The following SYNJ2 variants were observed in gnomAD, a reference collection of about 807,000 sequenced individuals.
The protein encoded by SYNJ2 is polyphosphatidylinositol phosphatase SYNJ2.
Under a neutral mutation model 141.3 loss-of-function variants are expected in SYNJ2, and 116 were observed. That is an observed-to-expected ratio of 0.82 (90% CI 0.71 to 0.96). The LOEUF is 0.96. Among genes scored for constraint, SYNJ2 ranks in the 40% least tolerant of loss-of-function variants. The probability of loss-of-function intolerance (pLI) is 0.00; values close to 1 mark genes in which losing one functional copy is unlikely to be tolerated. For missense variants in SYNJ2, 1,873 were observed against 1,934.8 expected (o/e 0.97, Z 0.60); for synonymous variants, 745 against 777.7 (o/e 0.96, Z 0.70).
chr6:158,073,395 G>A (rs996612670), intron 15 of SYNJ2, among the ~76,000 whole-genome samples: 3 of 151,888 alleles, frequency 2.0e-5, no homozygotes, highest in South Asian at 2.1e-4. Context: ...ATGGGGTTTC[G>A]CCATGTTGGC....
At chr6:157,997,833 A>T (rs191277746) in intron 1 of SYNJ2, among the ~76,000 whole-genome samples, 30 of 152,382 alleles carry the variant, frequency 2.0e-4, no homozygotes, top group African/African-American at 7.2e-4. Flanking sequence ...ACAACATATT[A>T]TAAAGCCCTA....
In SYNJ2 at chr6:157,982,448, C is replaced by G. The variant is rs1777050906; in HGVS notation, c.127+360C>G. The stretch of plus-strand genomic sequence containing the variant: ...GTGCCTGGCGCCTTTTCTTTTGCAC[C>G]TGTTGATGAAACCAGTGATTGCCCT... On this transcript the variant is annotated intron_variant, in intron 1 of 26. Transcript: ENST00000355585. This position sits in a 1 kb window ranked among gnomAD's most constrained non-coding sequence, Gnocchi z 4.0. 6.6e-6 allele frequency among the ~76,000 whole-genome samples: 1 copy of G among 152,196 alleles called. No homozygotes were observed. Among genetic ancestry groups the G allele is most frequent in the African/African-American group, 2.4e-5 (1 of 41,454 alleles).
intron 18 of SYNJ2, among the ~76,000 whole-genome samples, chr6:158,080,411 G>A (rs746611592): frequency 1.3e-5 from 2 of 151,044 alleles, no homozygotes. Flanking sequence ...GGAGGCGGAG[G>A]TTGCAGTGGG....
At chr6:158,019,781 G>A (rs1261601525) in intron 2 of SYNJ2, among the ~76,000 whole-genome samples, 1 of 152,234 alleles carries the variant, frequency 6.6e-6, no homozygotes, top group African/African-American at 2.4e-5. Context: ...TTTGACTTTG[G>A]CGATGTCAGG....
intron 1 of SYNJ2, among the ~76,000 whole-genome samples, chr6:158,008,236 G>T (rs1473205553): frequency 1.3e-5 from 2 of 152,178 alleles, no homozygotes; most frequent in African/African-American, 4.8e-5. Flanking sequence ...GCCTCCCAAA[G>T]TGCTGGGATT....
rs1299286284 is a variant in SYNJ2, at chr6:158,096,281, A to T, written c.4408A>T (p.Lys1470Ter). ...AGAGCTGCCACCAGATCATGAACACAAAACCTTAGGTCACTGGGTGACAAT... is the reference window on the plus strand; with the variant it reads ...AGAGCTGCCACCAGATCATGAACACTAAACCTTAGGTCACTGGGTGACAAT... ...KAELPPDHEHKTLGHWVTISD... is the reference protein window; with the variant it reads ...KAELPPDHEH Residue 1470 changes from lysine to a stop codon, truncating the protein, a stop_gained, in exon 27 of 27, where the codon AAA becomes TAA. Transcript: ENST00000355585. LOFTEE classifies it low-confidence loss of function (END_TRUNC). 3 of 1,614,048 alleles carry T rather than the reference A, an allele frequency of 1.9e-6. No homozygotes were observed.
At chr6:158,036,452 C>T (rs1007030777) in intron 4 of SYNJ2, among the ~76,000 whole-genome samples, 5 of 152,198 alleles carry the variant, frequency 3.3e-5, no homozygotes, top group African/African-American at 9.6e-5. Context: ...GGAATGAGAT[C>T]GTGTCCTTTC....
At chr6:158,078,810 A>T (rs9632485) in intron 18 of SYNJ2, 41,646 of 79,370 alleles carry the variant, frequency 0.52, 8,457 homozygotes, top group African/African-American at 0.59. Flanking sequence ...TTTTTTTTTG[A>T]GAGAGAGTCT....
At chr6:158,004,531 T>A (rs558762048) in intron 1 of SYNJ2, among the ~76,000 whole-genome samples, 1 of 152,340 alleles carries the variant, frequency 6.6e-6, no homozygotes, top group South Asian at 2.1e-4. Context: ...TTCCTGGGAA[T>A]TGCCTACCCC....
Position 158,066,476 on chromosome 6 carries a change from C to G in SYNJ2, c.1558C>G (p.Arg520Gly). The change falls in exon 12 of 27, where the codon CGT (arginine) becomes GGT (glycine). Residue 520 changes from arginine to glycine, a missense_variant. Transcript: ENST00000355585. ...TPRILKAMTE[R>G]QSEFTNFKRI... Reference sequence around the variant, plus strand: ...CAGGATCCTGAAAGCTATGACTGAGCGTCAGTCCGAATTCACAAATTTCAA... The same window carrying G: ...CAGGATCCTGAAAGCTATGACTGAGGGTCAGTCCGAATTCACAAATTTCAA... 1 of 1,614,164 alleles carries G rather than the reference C, an allele frequency of 6.2e-7. No individual in the cohort carries two copies. Among genetic ancestry groups the G allele is most frequent in the African/African-American group, 1.3e-5 (1 of 75,024 alleles).
chr6:158,018,913 G>A (rs990455284), intron 2 of SYNJ2, among the ~76,000 whole-genome samples: 3 of 152,252 alleles, frequency 2.0e-5, no homozygotes, highest in African/African-American at 7.2e-5. Context: ...CGATCTTCCT[G>A]AAGTTGCAGG....
At chr6:157,985,706 A>G (rs1009059862) in intron 1 of SYNJ2, among the ~76,000 whole-genome samples, 2 of 152,230 alleles carry the variant, frequency 1.3e-5, no homozygotes, top group Admixed American at 1.3e-4. Flanking sequence ...GTTCTCCAAC[A>G]GCCCCCAGGA....
intron 7 of SYNJ2, among the ~76,000 whole-genome samples, chr6:158,060,182 C>A (rs142972564): frequency 1.9e-4 from 29 of 152,316 alleles, no homozygotes; most frequent in Non-Finnish European, 3.1e-4. Flanking sequence ...GCTCCTGGAC[C>A]TGCTGCTGCT....
intron 1 of SYNJ2, among the ~76,000 whole-genome samples, chr6:158,001,951 C>G (rs1032083314): frequency 6.6e-6 from 1 of 152,150 alleles, no homozygotes; most frequent in Non-Finnish European, 1.5e-5. Flanking sequence ...TCCCATGTGA[C>G]GAGGTTGTCT....
In SYNJ2 at chr6:158,084,180, C is replaced by G; in HGVS notation, c.3208+6C>G. The G allele has an allele frequency of 1.2e-6, 2 of 1,610,600 alleles. No individual in the cohort carries two copies. The highest frequency in any genetic ancestry group is 1.7e-6 in the Non-Finnish European group (2 of 1,177,822). Reference sequence around the variant, plus strand: ...GCAGCATCCAACGTACAAAGGTAGCCTGACCCTTCTTTTCTCAGGAGCCTC... The same window carrying G: ...GCAGCATCCAACGTACAAAGGTAGCGTGACCCTTCTTTTCTCAGGAGCCTC... On this transcript the variant is annotated splice_donor_region_variant and intron_variant, in intron 22 of 26. Transcript: ENST00000355585. The surrounding 1 kb of genome is among the most constrained non-coding windows in gnomAD (Gnocchi z 5.0).
At chr6:158,074,868 A>T in intron 16 of SYNJ2, 130 bp downstream of exon 16, 1 of 1,124,320 alleles carries the variant, frequency 8.9e-7, no homozygotes. Flanking sequence ...TGTAGAAAAT[A>T]GGTGGGCTTG....
chr6:158,056,715 C>T (rs1406060313), intron 6 of SYNJ2, among the ~76,000 whole-genome samples: 1 of 152,182 alleles, frequency 6.6e-6, no homozygotes, highest in African/African-American at 2.4e-5. Flanking sequence ...TTCTCTGGGA[C>T]ATCACTGCGC....
At chr6:158,063,941 C>T in intron 9 of SYNJ2, 69 bp downstream of exon 9, 1 of 1,535,242 alleles carries the variant, frequency 6.5e-7, no homozygotes, top group Non-Finnish European at 9.0e-7. Flanking sequence ...ACAGGCTGGG[C>T]TGAGCACCTT....
chr6:157,993,385 AT>A (rs951246436), intron 1 of SYNJ2, among the ~76,000 whole-genome samples: 1 of 151,966 alleles, frequency 6.6e-6, no homozygotes, highest in Non-Finnish European at 1.5e-5. Flanking sequence ...GGATTATTAG[AT>A]TTTTTTCCTG....
Sources: gnomAD v4.1 joint callset for allele counts (sites outside exome capture counted in the v4.1 genomes callset) on GRCh38, gnomAD v4.1.1 for gene constraint, Gnocchi (gnomAD v3.1) non-coding constraint, MANE v1.5 for transcripts, NCBI Gene and HGNC (gene_info 2026-07-23, HGNC 2026-07-21) for gene names.